The following DOCK1 variants were observed in gnomAD, a reference collection of about 807,000 sequenced individuals.
DOCK1 encodes the protein dedicator of cytokinesis protein 1.
A neutral mutation model predicts 262.7 loss-of-function variants in DOCK1; 138 were observed. The observed-to-expected ratio is 0.53, with a 90% confidence interval of 0.46 to 0.61. The LOEUF (loss-of-function observed/expected upper bound fraction) is 0.61. Among genes scored for constraint, DOCK1 ranks in the 20% least tolerant of loss-of-function variants. The probability of loss-of-function intolerance (pLI) is 0.00; values close to 1 mark genes in which losing one functional copy is unlikely to be tolerated. For missense variants in DOCK1, 1,908 were observed against 2,370.7 expected (o/e 0.80, Z 4.05); for synonymous variants, 866 against 867.4 (o/e 1.00, Z 0.03).
intron 27 of DOCK1, among the ~76,000 whole-genome samples, chr10:127,180,771 A>G (rs1421194827): frequency 1.3e-5 from 2 of 152,386 alleles, no homozygotes; most frequent in East Asian, 3.9e-4. Flanking sequence ...GGCCATTAAA[A>G]GGATAATTAT....
intron 27 of DOCK1, among the ~76,000 whole-genome samples, chr10:127,239,147 TAAGCATTAGGCATTTATGACTA>T (rs1253389044): frequency 2.6e-5 from 4 of 152,168 alleles, no homozygotes; most frequent in Non-Finnish European, 4.4e-5. Flanking sequence ...ATTTTGAAAA[TAAGCATTAGGCATTTATGACTA>T]AAATCACTTT....
intron 39 of DOCK1, among the ~76,000 whole-genome samples, 178 bp downstream of exon 39, chr10:127,403,322 A>C (rs1263607075): frequency 6.6e-6 from 1 of 152,226 alleles, no homozygotes; most frequent in Non-Finnish European, 1.5e-5. Context: ...TATTTGGCCC[A>C]TAAATATTTA....
chr10:126,990,155 G>A lies in DOCK1; in HGVS notation c.325-300G>A, dbSNP rs566724661. On this transcript the variant is annotated intron_variant, in intron 5 of 51. Transcript: ENST00000623213. The stretch of plus-strand genomic sequence containing the variant: ...AGGAAGCTCACGAGCAGGTGTTGAC[G>A]CTCAAGGTCTAGCCCCTGTTGGGAT... Among the ~76,000 whole-genome samples, 4 of 152,276 alleles carry A rather than the reference G, an allele frequency of 2.6e-5. 1 individual carries two copies. The highest frequency in any genetic ancestry group is 7.2e-5 in the African/African-American group (3 of 41,560).
chr10:127,166,129 A>G (rs1395565174), intron 27 of DOCK1, among the ~76,000 whole-genome samples: 4 of 152,162 alleles, frequency 2.6e-5, no homozygotes, highest in Admixed American at 6.5e-5. Context: ...GCAGGGGCAC[A>G]ATCTCGGCTC....
At chr10:127,059,878 T>C (rs1036655365) in intron 22 of DOCK1, among the ~76,000 whole-genome samples, 1 of 152,202 alleles carries the variant, frequency 6.6e-6, no homozygotes, top group Non-Finnish European at 1.5e-5. Context: ...ACTGTTTGTA[T>C]GTAAAACTGT....
At chr10:127,263,734 G>A (rs891918065) in intron 29 of DOCK1, among the ~76,000 whole-genome samples, 17 of 152,094 alleles carry the variant, frequency 1.1e-4, no homozygotes, top group East Asian at 3.9e-4. Context: ...TCGGATTCAC[G>A]CTTTGTGTGT....
In DOCK1 at chr10:127,356,769, C is replaced by T. The variant is rs556101832; in HGVS notation, c.3283+2042C>T. On this transcript the variant is annotated intron_variant, in intron 32 of 51. Coordinates refer to ENST00000623213, the MANE Select transcript of DOCK1 (RefSeq NM_001290223.2). ...ACCTGCCACAGTTGGGCTCTCAGGG[C>T]AGACCCCAGACCTCTTCTCTGGACA... 2.4e-4 allele frequency among the ~76,000 whole-genome samples: 36 copies of T among 152,274 alleles called. No homozygotes were observed. The East Asian group carries it at 6.2e-3, about 26-fold the overall frequency.
chr10:127,124,197 C>T (rs2049798914), intron 25 of DOCK1, among the ~76,000 whole-genome samples: 1 of 152,146 alleles, frequency 6.6e-6, no homozygotes, highest in Non-Finnish European at 1.5e-5. Flanking sequence ...AGGAACCATT[C>T]CAATGTTGCA....
intron 18 of DOCK1, among the ~76,000 whole-genome samples, chr10:127,035,884 C>T (rs1248492806): frequency 6.6e-6 from 1 of 151,806 alleles, no homozygotes; most frequent in Non-Finnish European, 1.5e-5. Context: ...CACCTGTAGC[C>T]CCAGCAACTT....
intron 1 of DOCK1, among the ~76,000 whole-genome samples, chr10:126,946,178 A>T: frequency 6.6e-6 from 1 of 152,322 alleles, no homozygotes; most frequent in South Asian, 2.1e-4. Flanking sequence ...CATTAAATAC[A>T]TCTACAGTGT....
At chr10:126,977,131 G>A (rs550621059) in intron 2 of DOCK1, among the ~76,000 whole-genome samples, 1 of 152,224 alleles carries the variant, frequency 6.6e-6, no homozygotes, top group Non-Finnish European at 1.5e-5. Context: ...CTCACAAATG[G>A]TGGGGTGCTT....
rs1591544784 is a variant in DOCK1 at position 126,987,418 on chromosome 10, C to T, written c.228-103C>T. The T allele has an allele frequency of 5.9e-6, 5 of 848,254 alleles. No homozygotes were observed. In the East Asian group the frequency reaches 1.4e-4, roughly 23 times the overall value. 52.5% of individuals were successfully genotyped at this position (848,254 alleles called of 1,614,324 possible). A position where few individuals can be genotyped will look rare whatever the true frequency, so the allele number is the denominator to read the frequency against. On this transcript the variant is annotated intron_variant, in intron 4 of 51. Transcript: ENST00000623213. ...TATTTGTAGATTTTCTTCCCATTTGCTTAATACTGAACGCTATGGCCTAGA... is the reference window on the plus strand; with the variant it reads ...TATTTGTAGATTTTCTTCCCATTTGTTTAATACTGAACGCTATGGCCTAGA...
At chr10:127,302,469 C>G (rs895889819) in intron 29 of DOCK1, among the ~76,000 whole-genome samples, 7 of 152,126 alleles carry the variant, frequency 4.6e-5, no homozygotes, top group Non-Finnish European at 8.8e-5. Flanking sequence ...CCAGTGAAAG[C>G]TATGGTTGCT....
chr10:126,963,580 C>CTT lies in DOCK1; in HGVS notation c.47-7122_47-7121insTT, dbSNP rs2037394061. ...CGCTTCCCTCCTCTCCCTCTCCTTC[C>CTT]CTCCCTTCCCTTCCCTTCCCTTCCC... On this transcript the variant is annotated intron_variant, in intron 1 of 51. Coordinates refer to ENST00000623213, the MANE Select transcript of DOCK1 (RefSeq NM_001290223.2). Among the ~76,000 whole-genome samples, 14 of 124,476 alleles carry CTT rather than the reference C, an allele frequency of 1.1e-4. No individual in the cohort carries two copies. The East Asian group carries it at 3.1e-3, about 27-fold the overall frequency. 81.7% of individuals were successfully genotyped at this position (124,476 alleles called of 152,430 possible). A position where few individuals can be genotyped will look rare whatever the true frequency, so the allele number is the denominator to read the frequency against.
At chr10:127,332,612 A>T (rs1481803262) in intron 29 of DOCK1, among the ~76,000 whole-genome samples, 1 of 152,144 alleles carries the variant, frequency 6.6e-6, no homozygotes, top group Non-Finnish European at 1.5e-5. Context: ...TTCTAGTGAC[A>T]TTGGTCTTCC....
At chr10:127,045,213 A>AAT in intron 21 of DOCK1, among the ~76,000 whole-genome samples, 1 of 151,464 alleles carries the variant, frequency 6.6e-6, no homozygotes, top group Admixed American at 6.6e-5. Flanking sequence ...AAAAAAAAAA[A>AAT]AAAAAAAAAA....
chr10:127,144,804 A>G (rs949128135), intron 27 of DOCK1, among the ~76,000 whole-genome samples: 1 of 152,184 alleles, frequency 6.6e-6, no homozygotes, highest in Non-Finnish European at 1.5e-5. Context: ...ACTATTTTAC[A>G]TGGTAGGTGC....
chr10:127,275,155 G>A (rs763319425), intron 29 of DOCK1, among the ~76,000 whole-genome samples: 11 of 152,212 alleles, frequency 7.2e-5, no homozygotes, highest in Admixed American at 1.3e-4. Flanking sequence ...AAGAGAAGCC[G>A]ACCCAGGCTA....
intron 36 of DOCK1, among the ~76,000 whole-genome samples, chr10:127,381,022 A>T (rs2065795870): frequency 1.3e-5 from 2 of 152,188 alleles, no homozygotes; most frequent in Admixed American, 6.5e-5. Flanking sequence ...TGTCTCATTA[A>T]AAATGTTTAA....
Sources: allele counts gnomAD v4.1 joint callset (sites outside exome capture counted in the v4.1 genomes callset), GRCh38; gene constraint gnomAD v4.1.1; transcripts MANE v1.5; gene names NCBI Gene and HGNC (gene_info 2026-07-23, HGNC 2026-07-21).